The following CLCN5 variants were observed in gnomAD, a reference collection of about 807,000 sequenced individuals.
CLCN5 encodes H(+)/Cl(-) exchange transporter 5.
Under a neutral mutation model 54.0 loss-of-function variants are expected in CLCN5, and 17 were observed. The ratio of observed to expected loss-of-function variants is 0.31; its 90% CI spans 0.22 to 0.47. The LOEUF (loss-of-function observed/expected upper bound fraction) is 0.47, where lower values mean the gene tolerates loss of function less well. Among genes scored for constraint, CLCN5 ranks in the 20% least tolerant of loss-of-function variants. The pLI, the probability that CLCN5 is intolerant of heterozygous loss-of-function variation, is 1.00. For missense variants in CLCN5, 448 were observed against 646.7 expected (o/e 0.69, Z 3.33); for synonymous variants, 222 against 233.0 (o/e 0.95, Z 0.43).
rs1469014168 is a variant in CLCN5, at chrX:50,097,501, A to G, written c.*5282A>G. 4 of 110,960 alleles carry G rather than the reference A, an allele frequency of 3.6e-5. No homozygotes were observed. The highest frequency in any genetic ancestry group is 1.9e-4 in the Admixed American group (2 of 10,378). The allele number at this position is 110,960 out of a possible 1,213,427, so 9.1% of individuals were successfully genotyped here. On this transcript the variant is annotated 3_prime_UTR_variant, in exon 15 of 15. Transcript: ENST00000376091. ...CACTTATTGAATGAATGCTTTGCCT[A>G]AAGTTTGGCCTTTTGAAGAAAAACA...
intron 9 of CLCN5, among the ~76,000 whole-genome samples, chrX:50,082,439 A>C (rs1481274844): frequency 8.2e-5 from 9 of 109,392 alleles, no homozygotes; most frequent in Non-Finnish European, 3.8e-5. Flanking sequence ...CAGCCTCCCA[A>C]GTAGCTGAAA....
chrX:50,011,936 G>A (rs1557182620), intron 3 of CLCN5, among the ~76,000 whole-genome samples: 2 of 111,222 alleles, frequency 1.8e-5, no homozygotes, highest in South Asian at 3.9e-4. Flanking sequence ...AGCATTCCAC[G>A]GCTGAGCCTT....
chrX:50,082,335 C>T (rs1933733475), intron 9 of CLCN5, among the ~76,000 whole-genome samples: 1 of 105,121 alleles, frequency 9.5e-6, no homozygotes, highest in South Asian at 4.3e-4. Context: ...TTTTTTGAGA[C>T]AGGGTCTCAC....
intron 3 of CLCN5, among the ~76,000 whole-genome samples, chrX:50,002,739 G>T (rs111705989): frequency 0.044 from 4,789 of 108,119 alleles, 295 homozygotes; most frequent in African/African-American, 0.15. Context: ...GACACAAAGT[G>T]GTTGGTGGCT....
chrX:49,946,974 A>G (rs1926790711), intron 3 of CLCN5, among the ~76,000 whole-genome samples: 1 of 109,541 alleles, frequency 9.1e-6, no homozygotes, highest in Non-Finnish European at 1.9e-5. Context: ...GATTACAGTC[A>G]TGTGCCACCA....
chrX:49,979,169 A>G (rs187641088), intron 3 of CLCN5, among the ~76,000 whole-genome samples: 45 of 111,725 alleles, frequency 4.0e-4, no homozygotes, highest in African/African-American at 1.3e-3. Flanking sequence ...CCTACAAAGT[A>G]CCTACTATTT....
rs1454827427 is a variant in CLCN5 at position 50,097,636 on chromosome X, C to T, written c.*5417C>T. 9.0e-6 allele frequency: 1 copy of T among 111,491 alleles called. No homozygotes were observed. Among genetic ancestry groups the T allele is most frequent in the Non-Finnish European group, 1.9e-5 (1 of 53,157 alleles). 9.2% of individuals were successfully genotyped at this position (111,491 alleles called of 1,213,427 possible). A position where few individuals can be genotyped will look rare whatever the true frequency, so the allele number is the denominator to read the frequency against. On this transcript the variant is annotated 3_prime_UTR_variant, in exon 15 of 15. Transcript: ENST00000376091. The stretch of plus-strand genomic sequence containing the variant: ...CTGTCTCATTGTCTTTCTCTCCCCT[C>T]ACCATGCGCTGAATTCAGATTTCTC...
intron 4 of CLCN5, among the ~76,000 whole-genome samples, chrX:50,045,092 TTTAG>T (rs1447310246): frequency 9.0e-6 from 1 of 111,322 alleles, no homozygotes; most frequent in Non-Finnish European, 1.9e-5. Flanking sequence ...GGAATAATAC[TTTAG>T]TTAGGAAGGT....
intron 3 of CLCN5, among the ~76,000 whole-genome samples, chrX:50,018,823 T>A (rs1930917850): frequency 2.7e-5 from 3 of 112,248 alleles, no homozygotes; most frequent in Admixed American, 1.9e-4. Context: ...ATGATGTACA[T>A]ATAATTCTTT....
At chrX:50,034,331 C>T (rs782474541) in intron 3 of CLCN5, among the ~76,000 whole-genome samples, 4 of 111,187 alleles carry the variant, frequency 3.6e-5, no homozygotes, top group South Asian at 3.8e-4. Context: ...TGCTTTACTT[C>T]GGATTGTCTT....
chrX:50,075,684 A>G (rs1344968865), intron 6 of CLCN5, 111 bp from the exon 7 acceptor site: 3 of 651,071 alleles, frequency 4.6e-6, no homozygotes, highest in East Asian at 6.5e-5. Flanking sequence ...CTTATCTGTT[A>G]CTTTGATTCC....
intron 4 of CLCN5, among the ~76,000 whole-genome samples, chrX:50,052,408 A>G (rs1433593655): frequency 8.9e-6 from 1 of 111,929 alleles, no homozygotes; most frequent in African/African-American, 3.2e-5. Context: ...TTGGTTGGAG[A>G]TAACTGATAT....
Position 50,005,088 on chromosome X carries a change from C to A in CLCN5, c.17-37228C>A, listed in dbSNP as rs782660000. Among the ~76,000 whole-genome samples the A allele has an allele frequency of 5.4e-5, 6 of 111,584 alleles. No homozygotes were observed. In the South Asian group the frequency reaches 2.3e-3, roughly 42 times the overall value. ...TCTTTCCCTTCCATCTATATTTTTT[C>A]TTTCCTTATAATTTATTTGTTGGAA... On this transcript the variant is annotated intron_variant, in intron 3 of 14. Coordinates refer to ENST00000376091, the MANE Select transcript of CLCN5 (RefSeq NM_001127898.4).
At chrX:50,066,241 G>C (rs1933016711) in intron 4 of CLCN5, among the ~76,000 whole-genome samples, 1 of 101,068 alleles carries the variant, frequency 9.9e-6, no homozygotes, top group East Asian at 2.9e-4. Context: ...GGCCACAAAT[G>C]GCTTTTGCTT....
chrX:49,942,136 G>T (rs1557171058), intron 3 of CLCN5, among the ~76,000 whole-genome samples: 1 of 66,811 alleles, frequency 1.5e-5, no homozygotes, highest in Non-Finnish European at 2.8e-5. Context: ...TTTTAATCTT[G>T]ATTAATGTTA....
intron 4 of CLCN5, among the ~76,000 whole-genome samples, chrX:50,060,215 C>A (rs930461065): frequency 1.8e-5 from 2 of 110,385 alleles, no homozygotes; most frequent in African/African-American, 6.6e-5. Context: ...ACGCAGAAGA[C>A]GGGTGATTTC....
intron 9 of CLCN5, among the ~76,000 whole-genome samples, chrX:50,082,446 G>A (rs911009541): frequency 9.1e-6 from 1 of 109,331 alleles, no homozygotes; most frequent in Non-Finnish European, 1.9e-5. Context: ...CCAAGTAGCT[G>A]AAACTACAGG....
chrX:50,064,717 A>T (rs1186393984), intron 4 of CLCN5, among the ~76,000 whole-genome samples: 6 of 94,281 alleles, frequency 6.4e-5, no homozygotes, highest in Admixed American at 6.0e-4. Context: ...ATCCTAAGCC[A>T]AAAGAACAAA....
At chrX:49,988,144 G>A (rs1215526821) in intron 3 of CLCN5, among the ~76,000 whole-genome samples, 1 of 110,776 alleles carries the variant, frequency 9.0e-6, no homozygotes, top group East Asian at 2.8e-4. Flanking sequence ...TTTATGTCTG[G>A]CCTCCAGCAA....
Sources: allele counts gnomAD v4.1 joint callset (sites outside exome capture counted in the v4.1 genomes callset), GRCh38; gene constraint gnomAD v4.1.1; transcripts MANE v1.5; gene names NCBI Gene and HGNC (gene_info 2026-07-23, HGNC 2026-07-21).